The following SPATA13 variants were observed in gnomAD, a reference collection of about 807,000 sequenced individuals.
SPATA13 encodes the protein spermatogenesis-associated protein 13.
Under a neutral mutation model 104.0 loss-of-function variants are expected in SPATA13, and 50 were observed. The observed-to-expected ratio is 0.48, with a 90% CI of 0.38 to 0.61. SPATA13 has a LOEUF of 0.61. Ranked by LOEUF, SPATA13 falls within the 20% of genes least tolerant of loss-of-function variation. The pLI is 0.00. For missense variants in SPATA13, 1,524 were observed against 1,690.6 expected, an observed-to-expected ratio of 0.90 and a Z score of 1.73; for synonymous variants, 606 against 667.5, an observed-to-expected ratio of 0.91 and a Z score of 1.42.
At chr13:24,300,321 G>T (rs1198094577) in intron 11 of SPATA13, 80 bp from the exon 12 acceptor site, 2 of 1,093,172 alleles carry the variant, frequency 1.8e-6, no homozygotes, top group Non-Finnish European at 1.4e-6. Flanking sequence ...CCTCAATGCT[G>T]ATATGGGCTG....
intron 3 of SPATA13, among the ~76,000 whole-genome samples, chr13:24,145,462 T>C (rs1301109024): frequency 6.6e-6 from 1 of 152,184 alleles, no homozygotes; most frequent in African/African-American, 2.4e-5. Context: ...CCTCTGATTG[T>C]TCTCAGTTCA....
chr13:24,078,534 A>C (rs539502737), intron 3 of SPATA13, among the ~76,000 whole-genome samples: 1 of 152,304 alleles, frequency 6.6e-6, no homozygotes, highest in Admixed American at 6.5e-5. Context: ...TGTGACTTTA[A>C]GTATGCTCAC....
chr13:24,200,238 C>A (rs1197968438), intron 1 of SPATA13, among the ~76,000 whole-genome samples: 1 of 152,140 alleles, frequency 6.6e-6, no homozygotes, highest in African/African-American at 2.4e-5. Flanking sequence ...GGATGTGGCA[C>A]TCCTGGGTGG....
intron 4 of SPATA13, chr13:24,252,714 C>T (rs377582198): frequency 3.3e-5 from 5 of 152,130 alleles, no homozygotes; most frequent in Non-Finnish European, 5.9e-5. Flanking sequence ...GTTCTTTTGT[C>T]GAAAAGCAAC....
At chr13:24,072,302 G>T (rs1299665766) in intron 3 of SPATA13, among the ~76,000 whole-genome samples, 1 of 152,200 alleles carries the variant, frequency 6.6e-6, no homozygotes, top group Non-Finnish European at 1.5e-5. Context: ...CAGCAGAAGA[G>T]AAACTGTCTT....
intron 2 of SPATA13, among the ~76,000 whole-genome samples, chr13:23,991,499 T>G (rs1294791502): frequency 6.6e-6 from 1 of 152,146 alleles, no homozygotes; most frequent in African/African-American, 2.4e-5. Flanking sequence ...TTACAGGGAA[T>G]GTTGTGGTCA....
chr13:24,305,134 C>T lies in SPATA13; in HGVS notation c.*2361C>T, dbSNP rs1477735406. 6.6e-6 allele frequency: 1 copy of T among 152,088 alleles called. No homozygotes were observed. The highest frequency in any genetic ancestry group is 1.5e-5 in the Non-Finnish European group (1 of 67,980). 9.4% of individuals were successfully genotyped at this position (152,088 alleles called of 1,614,324 possible). Reference sequence around the variant, plus strand: ...GTGAGGATTCAGTTTAAGAGTCATTCTTAGGACTTCCATTTCCTAATATTT... The same window carrying T: ...GTGAGGATTCAGTTTAAGAGTCATTTTTAGGACTTCCATTTCCTAATATTT... On this transcript the variant is annotated 3_prime_UTR_variant, in exon 13 of 13. Transcript: ENST00000382108.
intron 1 of SPATA13, among the ~76,000 whole-genome samples, chr13:24,185,867 T>C (rs1869118790): frequency 1.3e-5 from 2 of 152,056 alleles, no homozygotes; most frequent in South Asian, 2.1e-4. Flanking sequence ...TTGTGAAGCC[T>C]GGCAAGTTCA....
At chr13:24,290,317 T>C (rs559009102) in intron 8 of SPATA13, among the ~76,000 whole-genome samples, 52 of 152,184 alleles carry the variant, frequency 3.4e-4, no homozygotes, top group Admixed American at 1.3e-3. Context: ...TTGAAAAAAT[T>C]TGTGGGAGGG....
At chr13:24,074,783 G>T (rs1472927762) in intron 3 of SPATA13, among the ~76,000 whole-genome samples, 1 of 152,186 alleles carries the variant, frequency 6.6e-6, no homozygotes, top group Admixed American at 6.5e-5. Flanking sequence ...ACAACCTCCT[G>T]TTAGCCAGCC....
Position 24,070,637 on chromosome 13 carries a change from A to G in SPATA13, c.-112+52936A>G, listed in dbSNP as rs117180566. Among the ~76,000 whole-genome samples, 309 of 152,302 alleles carry G rather than the reference A, an allele frequency of 2.0e-3. 1 individual carries two copies. Among genetic ancestry groups the G allele is most frequent in the Non-Finnish European group, 3.3e-3 (226 of 68,034 alleles). On this transcript the variant is annotated intron_variant, in intron 3 of 14. Coordinates refer to the SPATA13 transcript ENST00000424834. ...ACATTATTCTGTGTGTTTCTGTCAG[A>G]ATGATTTTGGATGAGATTAACATTT...
At chr13:24,042,192 G>T (rs1309334438) in intron 3 of SPATA13, among the ~76,000 whole-genome samples, 3 of 152,120 alleles carry the variant, frequency 2.0e-5, no homozygotes, top group African/African-American at 7.2e-5. Flanking sequence ...AGAAAGCAGG[G>T]TCCAGAAGGT....
chr13:24,081,790 G>A (rs1339190847), intron 3 of SPATA13, among the ~76,000 whole-genome samples: 2 of 152,100 alleles, frequency 1.3e-5, no homozygotes, highest in East Asian at 1.9e-4. Context: ...TTCCCCTGTC[G>A]GCTTCACAGC....
Position 24,127,238 on chromosome 13 carries a change from T to C in SPATA13, c.-111-95581T>C, listed in dbSNP as rs114149634. Among the ~76,000 whole-genome samples, 1,473 of 152,266 alleles carry C rather than the reference T, an allele frequency of 9.7e-3. 19 individuals are homozygous for C. The highest frequency in any genetic ancestry group is 0.034 in the African/African-American group (1,395 of 41,574). On this transcript the variant is annotated intron_variant, in intron 3 of 14. Coordinates refer to the SPATA13 transcript ENST00000424834. Reference sequence around the variant, plus strand: ...CAGAGCTTACCCAGGCTGGTAGCAGTGAGGCCACCCTCTCCAGCTCTGAGG... The same window carrying C: ...CAGAGCTTACCCAGGCTGGTAGCAGCGAGGCCACCCTCTCCAGCTCTGAGG...
intron 1 of SPATA13, among the ~76,000 whole-genome samples, chr13:24,212,801 T>C (rs1231152189): frequency 6.6e-6 from 1 of 152,254 alleles, no homozygotes; most frequent in Non-Finnish European, 1.5e-5. Context: ...CTCCTGAATC[T>C]TGCTTACTTC....
rs550405232 is a variant in SPATA13, at chr13:24,247,361, G to T, written c.1654-2116G>T. Among the ~76,000 whole-genome samples the T allele has an allele frequency of 2.4e-4, 36 of 152,058 alleles. No homozygotes were observed. In the South Asian group the frequency reaches 2.9e-3, roughly 12 times the overall value. On this transcript the variant is annotated intron_variant, in intron 2 of 12. Transcript: ENST00000382108. Reference sequence around the variant, plus strand: ...GTGTCTTTGTTGCCACTGATTAACTGTGTGGCCCTGGGCAAGTCACGTCAC... The same window carrying T: ...GTGTCTTTGTTGCCACTGATTAACTTTGTGGCCCTGGGCAAGTCACGTCAC...
intron 3 of SPATA13, among the ~76,000 whole-genome samples, chr13:24,045,877 T>C (rs1047895456): frequency 2.0e-5 from 3 of 152,176 alleles, no homozygotes; most frequent in Non-Finnish European, 2.9e-5. Context: ...ACTGATTCCA[T>C]TCTGAGCCTC....
rs191407947 is a variant in SPATA13 at position 24,302,962 on chromosome 13, G to A, written c.*189G>A. The A allele has an allele frequency of 3.4e-5, 24 of 696,324 alleles. No homozygotes were observed. In the East Asian group the frequency reaches 3.6e-4, roughly 10 times the overall value. The allele number at this position is 696,324 out of a possible 1,614,324, so 43.1% of individuals were successfully genotyped here. ...GACCCAGCTGCCTTTGTGGAAGGGA[G>A]GAGACGGTCATGACACAAAGCTTTA... On this transcript the variant is annotated 3_prime_UTR_variant, in exon 13 of 13. Coordinates refer to ENST00000382108, the MANE Select transcript of SPATA13 (RefSeq NM_001166271.3).
At chr13:24,263,684 G>T (rs1432868720) in intron 4 of SPATA13, among the ~76,000 whole-genome samples, 2 of 152,204 alleles carry the variant, frequency 1.3e-5, no homozygotes, top group African/African-American at 2.4e-5. Context: ...AAGAAAAAAA[G>T]TCTGTACATA....
Sources: gnomAD v4.1 joint callset for allele counts (sites outside exome capture counted in the v4.1 genomes callset) on GRCh38, gnomAD v4.1.1 for gene constraint, MANE v1.5 for transcripts, NCBI Gene and HGNC (gene_info 2026-07-23, HGNC 2026-07-21) for gene names.